Variants in NXPH1 observed in about 807,000 individuals in gnomAD.
NXPH1 encodes the protein neurexophilin 1.
Under a neutral mutation model 23.7 loss-of-function variants are expected in NXPH1, and 5 were observed. The observed-to-expected ratio is 0.21, with a 90% CI of 0.11 to 0.44. The LOEUF (loss-of-function observed/expected upper bound fraction) is 0.44. NXPH1 is among the 20% of genes least tolerant of loss of function. The pLI is 0.99. For missense variants in NXPH1, 324 were observed against 321.6 expected (o/e 1.01, Z -0.06); for synonymous variants, 144 against 122.2 (o/e 1.18, Z -1.18).
intron 2 of NXPH1, among the ~76,000 whole-genome samples, chr7:8,446,022 T>C (rs908114035): frequency 6.6e-6 from 1 of 152,236 alleles, no homozygotes; most frequent in South Asian, 2.1e-4. Flanking sequence ...TAGAGGCCCA[T>C]AGGTATATAA....
intron 2 of NXPH1, among the ~76,000 whole-genome samples, chr7:8,492,937 G>T (rs1011726523): frequency 6.6e-6 from 1 of 151,950 alleles, no homozygotes; most frequent in African/African-American, 2.4e-5. Flanking sequence ...AGAAAAAGAA[G>T]GAAAGGCCTT....
chr7:8,473,992 A>G (rs1816919055), intron 2 of NXPH1, among the ~76,000 whole-genome samples: 1 of 152,144 alleles, frequency 6.6e-6, no homozygotes, highest in South Asian at 2.1e-4. Context: ...TGGACTCACC[A>G]GTGAGTGGAC....
intron 2 of NXPH1, among the ~76,000 whole-genome samples, chr7:8,738,044 T>C (rs903863352): frequency 1.3e-5 from 2 of 152,142 alleles, no homozygotes; most frequent in Non-Finnish European, 2.9e-5. Context: ...CAACCTTTTT[T>C]CAAGGTTCTT....
intron 2 of NXPH1, among the ~76,000 whole-genome samples, chr7:8,689,960 G>A (rs1394057085): frequency 6.6e-6 from 1 of 152,128 alleles, no homozygotes; most frequent in Non-Finnish European, 1.5e-5. Flanking sequence ...AGGCAAATTA[G>A]GCTTACTGTT....
intron 2 of NXPH1, among the ~76,000 whole-genome samples, chr7:8,509,269 G>A (rs1473703323): frequency 6.6e-6 from 1 of 152,074 alleles, no homozygotes; most frequent in Non-Finnish European, 1.5e-5. Context: ...TGCAAGTTAT[G>A]TAAATGGAAT....
At chr7:8,738,963 G>A (rs953078387) in intron 2 of NXPH1, among the ~76,000 whole-genome samples, 1 of 151,858 alleles carries the variant, frequency 6.6e-6, no homozygotes, top group Non-Finnish European at 1.5e-5. Flanking sequence ...AATAATTGTG[G>A]ATGTTCCTCT....
At chr7:8,579,663 C>T (rs1014712722) in intron 2 of NXPH1, among the ~76,000 whole-genome samples, 5 of 152,196 alleles carry the variant, frequency 3.3e-5, no homozygotes, top group South Asian at 2.1e-4. Flanking sequence ...TGAGCCACCA[C>T]GCCTGGCCGG....
At chr7:8,521,244 C>A (rs1034986600) in intron 2 of NXPH1, among the ~76,000 whole-genome samples, 4 of 152,136 alleles carry the variant, frequency 2.6e-5, no homozygotes, top group Admixed American at 2.6e-4. Flanking sequence ...CAGTTTAAAC[C>A]TGCTTGGCAT....
intron 2 of NXPH1, among the ~76,000 whole-genome samples, chr7:8,603,984 C>G (rs73675910): frequency 6.6e-6 from 1 of 151,934 alleles, no homozygotes; most frequent in Admixed American, 6.6e-5. Context: ...ATGAGCACCC[C>G]AAATCATTGT....
At chr7:8,526,021 C>T (rs1264371410) in intron 2 of NXPH1, among the ~76,000 whole-genome samples, 1 of 152,164 alleles carries the variant, frequency 6.6e-6, no homozygotes, top group Non-Finnish European at 1.5e-5. Context: ...AGACAGCTTG[C>T]ACCATGCACC....
intron 2 of NXPH1, among the ~76,000 whole-genome samples, chr7:8,447,380 T>C (rs1476585117): frequency 6.6e-6 from 1 of 152,246 alleles, no homozygotes; most frequent in African/African-American, 2.4e-5. Context: ...ATGGTCAGTG[T>C]AGTATTTCTC....
chr7:8,687,604 A>G (rs1821167465), intron 2 of NXPH1, among the ~76,000 whole-genome samples: 1 of 152,216 alleles, frequency 6.6e-6, no homozygotes, highest in Admixed American at 6.5e-5. Context: ...GAGCTTAAAT[A>G]CTGCCTTTGC....
intron 2 of NXPH1, among the ~76,000 whole-genome samples, chr7:8,568,026 C>A (rs776731895): frequency 4.6e-5 from 7 of 151,666 alleles, no homozygotes; most frequent in African/African-American, 7.3e-5. Flanking sequence ...AATTGCAGGG[C>A]GAGTCTTTTT....
intron 2 of NXPH1, among the ~76,000 whole-genome samples, chr7:8,734,233 A>G (rs980204557): frequency 6.6e-6 from 1 of 152,140 alleles, no homozygotes; most frequent in African/African-American, 2.4e-5. Flanking sequence ...ATTGGTTTAT[A>G]TAACTGTTTT....
chr7:8,459,137 G>T, intron 2 of NXPH1, among the ~76,000 whole-genome samples: 1 of 150,482 alleles, frequency 6.6e-6, no homozygotes, highest in African/African-American at 2.5e-5. Context: ...GAACATCTTG[G>T]GTTGTCTCTG....
At chr7:8,549,397 T>C (rs1818244484) in intron 2 of NXPH1, among the ~76,000 whole-genome samples, 1 of 151,572 alleles carries the variant, frequency 6.6e-6, no homozygotes, top group Non-Finnish European at 1.5e-5. Context: ...TACTTGTGAA[T>C]CCTCATTTAT....
At chr7:8,651,766 A>G (rs1820495306) in intron 2 of NXPH1, among the ~76,000 whole-genome samples, 1 of 152,232 alleles carries the variant, frequency 6.6e-6, no homozygotes, top group Admixed American at 6.5e-5. Context: ...AAAAACATTA[A>G]GAGAATCATC....
intron 2 of NXPH1, among the ~76,000 whole-genome samples, chr7:8,720,171 A>G (rs750519781): frequency 2.0e-5 from 3 of 152,216 alleles, no homozygotes; most frequent in Non-Finnish European, 2.9e-5. Context: ...CTTGGTTCAT[A>G]TCTGTTCAAT....
At chr7:8,741,581 C>A (rs1222815218) in intron 2 of NXPH1, among the ~76,000 whole-genome samples, 1 of 152,078 alleles carries the variant, frequency 6.6e-6, no homozygotes, top group Non-Finnish European at 1.5e-5. Flanking sequence ...GTTTGACCTT[C>A]TCATAATAGT....
Sources: allele counts gnomAD v4.1 joint callset (sites outside exome capture counted in the v4.1 genomes callset), GRCh38; gene constraint gnomAD v4.1.1; transcripts MANE v1.5; gene names NCBI Gene and HGNC (gene_info 2026-07-23, HGNC 2026-07-21).